The following FHIP1A variants were observed in gnomAD, a reference collection of about 807,000 sequenced individuals.
FHIP1A encodes FHF complex subunit HOOK-interacting protein 1A.
A neutral mutation model predicts 88.6 loss-of-function variants in FHIP1A; 61 were observed. The ratio of observed to expected loss-of-function variants is 0.69; its 90% CI spans 0.56 to 0.85. FHIP1A has a LOEUF of 0.85. Ranked by LOEUF, FHIP1A falls within the 40% of genes least tolerant of loss-of-function variation. The probability of loss-of-function intolerance (pLI) is 0.00; values close to 1 mark genes in which losing one functional copy is unlikely to be tolerated. For synonymous variants in FHIP1A, 478 were observed against 496.0 expected (o/e 0.96, Z 0.48); for missense variants, 1,154 against 1,273.5 (o/e 0.91, Z 1.43).
At chr4:151,496,894 A>C (rs1327736779) in intron 3 of FHIP1A, among the ~76,000 whole-genome samples, 1 of 151,894 alleles carries the variant, frequency 6.6e-6, no homozygotes, top group African/African-American at 2.4e-5. Context: ...TGTATTCCAG[A>C]ATGCTAGATA....
chr4:151,556,850 C>G (rs548674237), intron 3 of FHIP1A, among the ~76,000 whole-genome samples: 1 of 152,186 alleles, frequency 6.6e-6, no homozygotes, highest in African/African-American at 2.4e-5. Context: ...GTAGTTCTTG[C>G]ATTTGAAGAC....
At chr4:151,422,572 G>A (rs1187986805) in intron 1 of FHIP1A, among the ~76,000 whole-genome samples, 1 of 152,240 alleles carries the variant, frequency 6.6e-6, no homozygotes, top group East Asian at 1.9e-4. Context: ...TTTCTTTTTA[G>A]TAGAGACGGG....
chr4:151,515,171 A>T (rs2126683621), intron 3 of FHIP1A, among the ~76,000 whole-genome samples: 1 of 152,230 alleles, frequency 6.6e-6, no homozygotes, highest in East Asian at 1.9e-4. Flanking sequence ...AATAAATGTA[A>T]TCCAACATAT....
intron 3 of FHIP1A, among the ~76,000 whole-genome samples, chr4:151,555,456 C>T (rs533024525): frequency 1.3e-5 from 2 of 152,160 alleles, no homozygotes; most frequent in East Asian, 3.9e-4. Flanking sequence ...AAACAACTCT[C>T]CTCCTCCTCT....
chr4:151,589,404 C>T (rs961998144), intron 7 of FHIP1A, among the ~76,000 whole-genome samples: 3 of 151,260 alleles, frequency 2.0e-5, no homozygotes, highest in East Asian at 1.9e-4. Context: ...AAATTAAGGT[C>T]CCATCAAATG....
At chr4:151,515,012 T>C (rs1731175799) in intron 3 of FHIP1A, among the ~76,000 whole-genome samples, 1 of 151,884 alleles carries the variant, frequency 6.6e-6, no homozygotes, top group Non-Finnish European at 1.5e-5. Flanking sequence ...AAAAGAGAAT[T>C]TTAGACCAAT....
In FHIP1A at chr4:151,578,036, T is replaced by C; in HGVS notation, c.692T>C (p.Met231Thr). 1.3e-6 allele frequency: 2 copies of C among 1,551,136 alleles called. No homozygotes were observed. The highest frequency in any genetic ancestry group is 1.4e-5 in the African/African-American group (1 of 73,160). ...FIMSLSAENT[M>T]VAHHIVENTY... ...ATGTCTCTTTCTGCTGAGAACACCA[T>C]GGTGGCCCATCACATCGTGGAGAAC... Residue 231 changes from methionine (M) to threonine (T), a missense_variant, in exon 5 of 14, where the codon ATG becomes ACG. Met to Thr is a moderately conservative substitution (Grantham distance 81). Coordinates refer to ENST00000435205, the MANE Select transcript of FHIP1A (RefSeq NM_001109977.3).
chr4:151,437,380 A>C (rs1433867590), intron 1 of FHIP1A, among the ~76,000 whole-genome samples: 1 of 152,154 alleles, frequency 6.6e-6, no homozygotes, highest in African/African-American at 2.4e-5. Flanking sequence ...GAGCCAACAT[A>C]GGCTATTTTC....
Position 151,516,994 on chromosome 4 carries a change from C to T in FHIP1A, c.-123+34346C>T, listed in dbSNP as rs542552161. 1.3e-4 allele frequency among the ~76,000 whole-genome samples: 20 copies of T among 152,312 alleles called. No homozygotes were observed. The South Asian group carries it at 4.1e-3, about 32-fold the overall frequency. On this transcript the variant is annotated intron_variant, in intron 3 of 13. Transcript: ENST00000435205. ...TATAAATCATGCTGCCATAAAGACA[C>T]ATGCACACGTATGTTTATTGCGGCA...
At chr4:151,467,525 A>G (rs1729363138) in intron 2 of FHIP1A, among the ~76,000 whole-genome samples, 2 of 152,236 alleles carry the variant, frequency 1.3e-5, no homozygotes, top group African/African-American at 2.4e-5. Flanking sequence ...ACATGCACAC[A>G]TATGTTTACT....
intron 7 of FHIP1A, among the ~76,000 whole-genome samples, chr4:151,613,497 C>T (rs754841679): frequency 2.6e-5 from 4 of 152,096 alleles, no homozygotes; most frequent in African/African-American, 4.8e-5. Flanking sequence ...CTGAAATGCC[C>T]GTTAACCTCC....
rs1011656579 is a variant in FHIP1A at position 151,577,801 on chromosome 4, A to T, written c.457A>T (p.Thr153Ser). Residue 153 changes from threonine to serine, a missense_variant, in exon 5 of 14, where the codon ACA (threonine) becomes TCA (serine). Coordinates refer to ENST00000435205, the MANE Select transcript of FHIP1A (RefSeq NM_001109977.3). ...LMMLLSSCSG[T>S]TTPTVEEKLV... Reference sequence around the variant, plus strand: ...GATGTTGCTGAGCTCTTGTTCAGGAACAACCACCCCCACTGTGGAGGAGAA... The same window carrying T: ...GATGTTGCTGAGCTCTTGTTCAGGATCAACCACCCCCACTGTGGAGGAGAA... 10 of 1,551,908 alleles carry T rather than the reference A, an allele frequency of 6.4e-6. No homozygotes were observed. In the East Asian group the frequency reaches 2.2e-4, roughly 34 times the overall value.
At chr4:151,511,048 A>G (rs1489887184) in intron 3 of FHIP1A, among the ~76,000 whole-genome samples, 2 of 152,212 alleles carry the variant, frequency 1.3e-5, no homozygotes, top group Admixed American at 6.5e-5. Context: ...AGTTACTTAC[A>G]GGCTACTCTG....
intron 1 of FHIP1A, among the ~76,000 whole-genome samples, chr4:151,448,135 T>C (rs1476507908): frequency 3.9e-5 from 6 of 151,972 alleles, no homozygotes; most frequent in African/African-American, 1.5e-4. Context: ...GCCAGGCTGC[T>C]CTTGAGCTCC....
At chr4:151,471,159 TG>T (rs980807804) in intron 2 of FHIP1A, among the ~76,000 whole-genome samples, 38 of 152,212 alleles carry the variant, frequency 2.5e-4, no homozygotes, top group African/African-American at 8.9e-4. Context: ...ACCTGTGTGG[TG>T]GTCTTTACAT....
intron 1 of FHIP1A, among the ~76,000 whole-genome samples, chr4:151,410,537 C>G (rs1308338925): frequency 6.6e-6 from 1 of 152,094 alleles, no homozygotes; most frequent in African/African-American, 2.4e-5. Context: ...TACCTTTATC[C>G]TGTTGATTAA....
At chr4:151,498,390 T>C (rs1195269135) in intron 3 of FHIP1A, among the ~76,000 whole-genome samples, 1 of 152,146 alleles carries the variant, frequency 6.6e-6, no homozygotes, top group Non-Finnish European at 1.5e-5. Context: ...TAGGGAACAG[T>C]TGTCTTAAGG....
chr4:151,497,027 T>C (rs934520825), intron 3 of FHIP1A, among the ~76,000 whole-genome samples: 1 of 152,024 alleles, frequency 6.6e-6, no homozygotes, highest in Non-Finnish European at 1.5e-5. Context: ...TAGCTGGGAA[T>C]TTTGGGACCT....
chr4:151,633,861 A>G (rs1464922836), intron 8 of FHIP1A, among the ~76,000 whole-genome samples: 1 of 152,012 alleles, frequency 6.6e-6, no homozygotes, highest in Non-Finnish European at 1.5e-5. Context: ...TCAATGGTGA[A>G]AGACTAAAAG....
Sources: gnomAD v4.1 joint callset for allele counts (sites outside exome capture counted in the v4.1 genomes callset) on GRCh38, gnomAD v4.1.1 for gene constraint, MANE v1.5 for transcripts, NCBI Gene and HGNC (gene_info 2026-07-23, HGNC 2026-07-21) for gene names.